NUTF2: variants seen among roughly 807,000 people sequenced by gnomAD.
NUTF2 encodes nuclear transport factor 2.
A neutral mutation model predicts 18.5 loss-of-function variants in NUTF2; 3 were observed. That is an observed-to-expected ratio of 0.16 (90% CI 0.07 to 0.42). NUTF2 has a LOEUF of 0.42. Among genes scored for constraint, NUTF2 ranks in the 10% least tolerant of loss-of-function variants. NUTF2 has a pLI of 0.99. For synonymous variants in NUTF2, 51 were observed against 57.9 expected (o/e 0.88, Z 0.54); for missense variants, 44 against 160.7 (o/e 0.27, Z 3.93).
At chr16:67,868,677 T>C (rs2057991484) in intron 4 of NUTF2, 78 bp downstream of exon 4, 2 of 1,323,408 alleles carry the variant, frequency 1.5e-6, no homozygotes, top group Non-Finnish European at 2.2e-6. Context: ...CCTGTGGATG[T>C]GACCTGCTTA....
At chr16:67,857,956 C>G (rs2057908621) in intron 1 of NUTF2, among the ~76,000 whole-genome samples, 1 of 152,230 alleles carries the variant, frequency 6.6e-6, no homozygotes, top group Admixed American at 6.5e-5. Context: ...AAGGGCTGGC[C>G]TCTCAGCCCA....
intron 1 of NUTF2, among the ~76,000 whole-genome samples, chr16:67,856,333 A>G (rs1424907568): frequency 1.3e-5 from 2 of 151,758 alleles, no homozygotes; most frequent in Non-Finnish European, 2.9e-5. Flanking sequence ...CTGGGATTAC[A>G]GGCACCCACC....
intron 1 of NUTF2, among the ~76,000 whole-genome samples, chr16:67,860,075 G>T (rs1029623024): frequency 6.6e-6 from 1 of 151,534 alleles, no homozygotes; most frequent in Non-Finnish European, 1.5e-5. Flanking sequence ...CGCCTCCTGG[G>T]TTCACGCCAT....
At chr16:67,856,059 T>C (rs539378322) in intron 1 of NUTF2, 2 of 704,130 alleles carry the variant, frequency 2.8e-6, no homozygotes, top group African/African-American at 1.8e-5. Flanking sequence ...ACTGTTACGA[T>C]GTGGCCAATC....
intron 1 of NUTF2, among the ~76,000 whole-genome samples, chr16:67,849,442 A>C (rs1475449915): frequency 3.4e-4 from 46 of 136,946 alleles, no homozygotes; most frequent in Middle Eastern, 5.4e-3. Flanking sequence ...CCTGGGTTCA[A>C]ACGATTCTCC....
intron 4 of NUTF2, 66 bp from the exon 5 acceptor site, chr16:67,870,734 T>C: frequency 7.4e-7 from 1 of 1,345,062 alleles, no homozygotes; most frequent in Non-Finnish European, 1.1e-6. Context: ...TGCCCTCTTC[T>C]CCTACCACTG....
rs138710115 is a variant in NUTF2 at position 67,854,043 on chromosome 16, C to T, written c.-30+7058C>T. ...TCAGCTCACTACAGCCTCTGCCTTC[C>T]AGGTTCAAGCAATTCTCCTGCCTCA... On this transcript the variant is annotated intron_variant, in intron 1 of 4. Transcript: ENST00000219169. Among the ~76,000 whole-genome samples the T allele has an allele frequency of 5.4e-3, 825 of 151,614 alleles. 4 individuals carry two copies. Among genetic ancestry groups the T allele is most frequent in the African/African-American group, 0.018 (762 of 41,326 alleles).
chr16:67,866,258 G>A (rs988571997), intron 2 of NUTF2, among the ~76,000 whole-genome samples: 1 of 151,824 alleles, frequency 6.6e-6, no homozygotes, highest in Non-Finnish European at 1.5e-5. Flanking sequence ...TTTTATTAGT[G>A]GAAGACCAAT....
chr16:67,848,713 G>C (rs932579784), intron 1 of NUTF2, among the ~76,000 whole-genome samples: 3 of 151,292 alleles, frequency 2.0e-5, no homozygotes, highest in African/African-American at 4.9e-5. Flanking sequence ...CTGCACTCCA[G>C]CCTGGGCGAC....
In NUTF2 at chr16:67,859,868, C is replaced by T. The variant is rs541900090; in HGVS notation, c.-29-5234C>T. On this transcript the variant is annotated intron_variant, in intron 1 of 4. Transcript: ENST00000219169. ...TCACCCAGGCTAGAATGCCGTGGGT[C>T]GTTCTTAGCTCACTGCAGCCTCCAC... Among the ~76,000 whole-genome samples, 11 of 129,312 alleles carry T rather than the reference C, an allele frequency of 8.5e-5. No individual in the cohort carries two copies. In the East Asian group the frequency reaches 1.8e-3, roughly 21 times the overall value. 84.8% of individuals were successfully genotyped at this position (129,312 alleles called of 152,430 possible).
At chr16:67,859,917 C>G (rs1183205921) in intron 1 of NUTF2, among the ~76,000 whole-genome samples, 2 of 150,680 alleles carry the variant, frequency 1.3e-5, no homozygotes, top group African/African-American at 4.9e-5. Context: ...GCAATTCTGC[C>G]TCAGCCTCCC....
intron 2 of NUTF2, 47 bp from the exon 3 acceptor site, chr16:67,868,293 C>T: frequency 6.4e-7 from 1 of 1,566,264 alleles, no homozygotes. Context: ...CTTAGAGATA[C>T]TTGTACTCTG....
chr16:67,853,981 C>T (rs1010073894), intron 1 of NUTF2, among the ~76,000 whole-genome samples: 9 of 152,238 alleles, frequency 5.9e-5, no homozygotes, highest in African/African-American at 2.2e-4. Flanking sequence ...GATGGAGTTT[C>T]GCTCTGTCAC....
intron 1 of NUTF2, among the ~76,000 whole-genome samples, chr16:67,852,343 C>G (rs1567379057): frequency 1.3e-5 from 2 of 150,986 alleles, no homozygotes; most frequent in African/African-American, 4.9e-5. Context: ...ACACTATTAT[C>G]TTTTTTTCTT....
chr16:67,870,686 C>G, intron 4 of NUTF2, 114 bp from the exon 5 acceptor site: 1 of 808,022 alleles, frequency 1.2e-6, no homozygotes, highest in Non-Finnish European at 2.2e-6. Context: ...GATTTGAGTT[C>G]AGGACAGTAG....
rs183989614 is a variant in NUTF2, at chr16:67,865,275, T to C, written c.99+46T>C. ...CCAGAATGGACCCTAGGGGATCAAT[T>C]TGGATGTTGGGCCAGTGTGTCCAGT... On this transcript the variant is annotated intron_variant, in intron 2 of 4. Coordinates refer to ENST00000219169, the MANE Select transcript of NUTF2 (RefSeq NM_005796.3). The C allele has an allele frequency of 8.9e-6, 12 of 1,349,192 alleles. No individual in the cohort carries two copies. The African/African-American group carries it at 1.0e-4, about 11-fold the overall frequency. The allele number at this position is 1,349,192 out of a possible 1,614,324, so 83.6% of individuals were successfully genotyped here.
chr16:67,853,422 A>G (rs1417240551), intron 1 of NUTF2, among the ~76,000 whole-genome samples: 1 of 152,106 alleles, frequency 6.6e-6, no homozygotes, highest in Non-Finnish European at 1.5e-5. Flanking sequence ...CAGTGGCACG[A>G]TCTCGGCTCA....
At chr16:67,860,850 C>T (rs2057930555) in intron 1 of NUTF2, among the ~76,000 whole-genome samples, 1 of 152,224 alleles carries the variant, frequency 6.6e-6, no homozygotes, top group Non-Finnish European at 1.5e-5. Flanking sequence ...GGATCTCTGT[C>T]TGCTCTGTCT....
chr16:67,855,874 G>A (rs1598161162), intron 1 of NUTF2: 1 of 398,212 alleles, frequency 2.5e-6, no homozygotes. Flanking sequence ...CTTGCCACCC[G>A]ATTTTTTTTT....
Sources: gnomAD v4.1 joint callset for allele counts (sites outside exome capture counted in the v4.1 genomes callset) on GRCh38, gnomAD v4.1.1 for gene constraint, MANE v1.5 for transcripts, NCBI Gene and HGNC (gene_info 2026-07-23, HGNC 2026-07-21) for gene names.